DIAPH2: variants seen among roughly 807,000 people sequenced by gnomAD.
The protein encoded by DIAPH2 is protein diaphanous homolog 2.
In DIAPH2, 35 loss-of-function variants were observed where a neutral mutation model predicts 92.7. The ratio of observed to expected loss-of-function variants is 0.38; its 90% CI spans 0.29 to 0.50. The LOEUF is 0.50. DIAPH2 is among the 20% of genes least tolerant of loss of function. The probability of loss-of-function intolerance (pLI) is 0.94; values close to 1 mark genes in which losing one functional copy is unlikely to be tolerated. For missense variants in DIAPH2, 701 were observed against 819.5 expected (o/e 0.86, Z 1.77); for synonymous variants, 301 against 280.4 (o/e 1.07, Z -0.73).
chrX:97,284,627 CAA>C (rs1182421019), intron 23 of DIAPH2, among the ~76,000 whole-genome samples: 1 of 102,494 alleles, frequency 9.8e-6, no homozygotes, highest in African/African-American at 3.6e-5. Flanking sequence ...AAAAAAAAAA[CAA>C]AGAGTTACAA....
At chrX:97,342,123 A>C (rs184954325) in intron 23 of DIAPH2, among the ~76,000 whole-genome samples, 159 of 112,464 alleles carry the variant, frequency 1.4e-3, no homozygotes, top group African/African-American at 4.8e-3. Context: ...ATTAAAATGT[A>C]TTTAAGATGT....
intron 20 of DIAPH2, among the ~76,000 whole-genome samples, chrX:97,106,427 A>G (rs1465996024): frequency 9.0e-6 from 1 of 111,565 alleles, no homozygotes; most frequent in Non-Finnish European, 1.9e-5. Context: ...TCTTATAATC[A>G]TTTTTTTGTG....
At chrX:97,590,665 C>T (rs1386681193) in intron 26 of DIAPH2, among the ~76,000 whole-genome samples, 6 of 111,994 alleles carry the variant, frequency 5.4e-5, no homozygotes, top group African/African-American at 1.9e-4. Context: ...AGTTTATTCT[C>T]CACCAACCCA....
intron 1 of DIAPH2, among the ~76,000 whole-genome samples, chrX:96,688,176 C>T (rs761403073): frequency 1.1e-4 from 12 of 111,917 alleles, no homozygotes; most frequent in African/African-American, 3.9e-4. Flanking sequence ...GTAGAGTGAC[C>T]TAACAGTATT....
intron 4 of DIAPH2, among the ~76,000 whole-genome samples, chrX:96,786,842 A>C (rs1243947166): frequency 8.9e-6 from 1 of 112,358 alleles, no homozygotes; most frequent in Non-Finnish European, 1.9e-5. Context: ...ATTTTCTTTT[A>C]ATATTGCCTA....
At chrX:97,046,168 G>GTT (rs375310069) in intron 17 of DIAPH2, among the ~76,000 whole-genome samples, 11 of 100,693 alleles carry the variant, frequency 1.1e-4, no homozygotes, top group African/African-American at 4.1e-4. Flanking sequence ...ATTTTATGTG[G>GTT]TTTTTTTTTT....
chrX:96,789,373 T>G lies in DIAPH2; in HGVS notation c.447+31115T>G, dbSNP rs1436166315. Among the ~76,000 whole-genome samples, 3 of 111,982 alleles carry G rather than the reference T, an allele frequency of 2.7e-5. No homozygotes were observed. In the Admixed American group the frequency reaches 2.8e-4, roughly 11 times the overall value. On this transcript the variant is annotated intron_variant, in intron 4 of 26. Coordinates refer to ENST00000324765, the MANE Select transcript of DIAPH2 (RefSeq NM_006729.5). Reference sequence around the variant, plus strand: ...GATATTCAATATAGACTGCATTGTTTGTACAAACAGGCATAGTAAACCATC... The same window carrying G: ...GATATTCAATATAGACTGCATTGTTGGTACAAACAGGCATAGTAAACCATC...
intron 1 of DIAPH2, among the ~76,000 whole-genome samples, chrX:96,714,690 A>G (rs189945245): frequency 8.9e-6 from 1 of 112,625 alleles, no homozygotes; most frequent in Non-Finnish European, 1.9e-5. Flanking sequence ...CATTTTAGCA[A>G]GTATTTATTA....
intron 4 of DIAPH2, among the ~76,000 whole-genome samples, chrX:96,764,699 A>G (rs1335837571): frequency 9.0e-6 from 1 of 111,445 alleles, no homozygotes; most frequent in Non-Finnish European, 1.9e-5. Flanking sequence ...ATTTTTATCT[A>G]GCACCTCCAG....
At chrX:97,112,686 C>T (rs1301800225) in intron 20 of DIAPH2, among the ~76,000 whole-genome samples, 2 of 107,737 alleles carry the variant, frequency 1.9e-5, no homozygotes, top group Admixed American at 1.0e-4. Context: ...CCTTTTCTCA[C>T]ACCATTCTCT....
intron 24 of DIAPH2, among the ~76,000 whole-genome samples, chrX:97,370,471 G>A (rs2069437267): frequency 8.9e-6 from 1 of 112,109 alleles, no homozygotes. Flanking sequence ...GAACAGTACA[G>A]TACTAACCAT....
chrX:97,026,305 G>C (rs2066334577), intron 17 of DIAPH2, among the ~76,000 whole-genome samples: 1 of 111,622 alleles, frequency 9.0e-6, no homozygotes, highest in Non-Finnish European at 1.9e-5. Flanking sequence ...CATTTGGTTA[G>C]GAAATAAAAA....
intron 1 of DIAPH2, among the ~76,000 whole-genome samples, chrX:96,693,001 C>T (rs950692833): frequency 1.5e-4 from 17 of 111,749 alleles, no homozygotes; most frequent in African/African-American, 3.9e-4. Flanking sequence ...TGTTTGTGGG[C>T]TTACAATTGA....
At chrX:97,213,133 G>A (rs2067854835) in intron 22 of DIAPH2, among the ~76,000 whole-genome samples, 1 of 111,610 alleles carries the variant, frequency 9.0e-6, no homozygotes, top group Admixed American at 9.6e-5. Flanking sequence ...TCATTATAGG[G>A]AAAGGAATTG....
chrX:97,383,885 A>G (rs2069574004), intron 24 of DIAPH2, 24 bp from the exon 25 acceptor site: 5 of 1,146,486 alleles, frequency 4.4e-6, no homozygotes, highest in Non-Finnish European at 4.6e-6. Flanking sequence ...AAAGGTTTCC[A>G]TTTAACTTTG....
chrX:97,244,003 G>A (rs1226314898), intron 22 of DIAPH2, among the ~76,000 whole-genome samples: 2 of 111,719 alleles, frequency 1.8e-5, no homozygotes, highest in Non-Finnish European at 3.8e-5. Context: ...AGGCAGCTTG[G>A]AGTTTTATAA....
chrX:97,034,643 GT>G lies in DIAPH2; in HGVS notation c.2051-38290del, dbSNP rs1315976968. ...ATACTTGAGACCCCTGTACCACTGAGTTTTTTTTAACATAACCTCCTCTTTT... is the reference window on the plus strand; with the variant it reads ...ATACTTGAGACCCCTGTACCACTGAGTTTTTTTAACATAACCTCCTCTTTT... On this transcript the variant is annotated intron_variant, in intron 17 of 26. Transcript: ENST00000324765. 5.4e-5 allele frequency among the ~76,000 whole-genome samples: 6 copies of G among 110,839 alleles called. 1 individual carries two copies. In the Middle Eastern group the frequency reaches 0.019, roughly 347 times the overall value.
In DIAPH2 at chrX:96,916,417, GTTTTT is replaced by G; in HGVS notation, c.733-7_733-3del. Reference sequence around the variant, plus strand: ...TATTCCATAGACATTCTGAATGAAGGTTTTTTTTTTTTTTTTTTAGTTTGGATTAC... The same window carrying G: ...TATTCCATAGACATTCTGAATGAAGGTTTTTTTTTTTTTAGTTTGGATTAC... On this transcript the variant is annotated splice_polypyrimidine_tract_variant and intron_variant, in intron 7 of 26. Transcript: ENST00000324765. 7 of 886,839 alleles carry G rather than the reference GTTTTT, an allele frequency of 7.9e-6. No individual in the cohort carries two copies. The highest frequency in any genetic ancestry group is 8.8e-5 in the Admixed American group (2 of 22,761). 73.1% of individuals were successfully genotyped at this position (886,839 alleles called of 1,213,427 possible).
intron 26 of DIAPH2, among the ~76,000 whole-genome samples, chrX:97,552,155 T>G (rs1411753467): frequency 9.0e-6 from 1 of 111,721 alleles, no homozygotes; most frequent in East Asian, 2.8e-4. Context: ...ACTCAATGAT[T>G]TTGAGTATAG....
Sources: gnomAD v4.1 joint callset for allele counts (sites outside exome capture counted in the v4.1 genomes callset) on GRCh38, gnomAD v4.1.1 for gene constraint, MANE v1.5 for transcripts, NCBI Gene and HGNC (gene_info 2026-07-23, HGNC 2026-07-21) for gene names.